The following PROS1 variants were observed in gnomAD, a reference collection of about 807,000 sequenced individuals.
PROS1 encodes vitamin K-dependent protein S.
In PROS1, 29 loss-of-function variants were observed where a neutral mutation model predicts 75.9. The ratio of observed to expected loss-of-function variants is 0.38; its 90% CI spans 0.28 to 0.52. PROS1 has a LOEUF of 0.52. PROS1 is among the 20% of genes least tolerant of loss of function. The pLI is 0.83. For missense variants in PROS1, 680 were observed against 810.3 expected, an observed-to-expected ratio of 0.84 and a Z score of 1.95; for synonymous variants, 245 against 280.6, an observed-to-expected ratio of 0.87 and a Z score of 1.27.
At chr3:93,892,503 A>C (rs372441865) in intron 10 of PROS1, among the ~76,000 whole-genome samples, 1 of 151,708 alleles carries the variant, frequency 6.6e-6, no homozygotes, top group East Asian at 1.9e-4. Context: ...GCATGCCTGT[A>C]ATCCCAGCTA....
At chr3:93,950,480 G>A (rs1291287064) in intron 1 of PROS1, among the ~76,000 whole-genome samples, 1 of 152,114 alleles carries the variant, frequency 6.6e-6, no homozygotes, top group Non-Finnish European at 1.5e-5. Flanking sequence ...CCTCTGAGAC[G>A]AAGCTTCCAG....
At chr3:93,888,027 A>C (rs898896468) in intron 10 of PROS1, among the ~76,000 whole-genome samples, 9 of 152,212 alleles carry the variant, frequency 5.9e-5, no homozygotes, top group Non-Finnish European at 1.3e-4. Flanking sequence ...AATCTTTTGA[A>C]CATCACTGCT....
intron 7 of PROS1, among the ~76,000 whole-genome samples, chr3:93,899,746 A>G (rs1435895725): frequency 1.3e-5 from 2 of 152,150 alleles, no homozygotes; most frequent in African/African-American, 4.8e-5. Context: ...AGAGACAGAA[A>G]ACAAGATTAG....
chr3:93,943,390 G>T (rs191629867), intron 1 of PROS1, among the ~76,000 whole-genome samples: 2 of 150,918 alleles, frequency 1.3e-5, no homozygotes, highest in Admixed American at 1.3e-4. Context: ...CTTTCTCCTT[G>T]TGTCTTCTGT....
intron 1 of PROS1, among the ~76,000 whole-genome samples, chr3:93,965,101 G>A (rs767276975): frequency 6.6e-6 from 1 of 152,198 alleles, no homozygotes; most frequent in Non-Finnish European, 1.5e-5. Flanking sequence ...CAGCGGGAGG[G>A]ACAAGGATCG....
intron 10 of PROS1, among the ~76,000 whole-genome samples, chr3:93,890,020 C>A (rs781485678): frequency 3.9e-5 from 6 of 152,100 alleles, no homozygotes; most frequent in Non-Finnish European, 8.8e-5. Context: ...TTGCTAAATT[C>A]TTTTCCTAGC....
intron 1 of PROS1, among the ~76,000 whole-genome samples, chr3:93,944,930 A>G (rs1278197613): frequency 6.6e-6 from 1 of 152,190 alleles, no homozygotes; most frequent in Non-Finnish European, 1.5e-5. Context: ...CAAGACTAAT[A>G]AAGAAGAAAA....
chr3:93,904,265 G>A (rs1251256751), intron 6 of PROS1, among the ~76,000 whole-genome samples: 3 of 152,082 alleles, frequency 2.0e-5, no homozygotes, highest in South Asian at 2.1e-4. Context: ...GAATAATGCC[G>A]CAATAAACAT....
chr3:93,971,349 C>A (rs1414490386), intron 1 of PROS1, among the ~76,000 whole-genome samples: 3 of 131,984 alleles, frequency 2.3e-5, no homozygotes, highest in Admixed American at 8.3e-5. Flanking sequence ...GAGCAAGACT[C>A]CATCTCTAAA....
At chr3:93,954,399 C>G (rs1253905835) in intron 1 of PROS1, among the ~76,000 whole-genome samples, 1 of 152,126 alleles carries the variant, frequency 6.6e-6, no homozygotes, top group African/African-American at 2.4e-5. Flanking sequence ...TGGAACAGAA[C>G]AGAACCCTTA....
chr3:93,917,705 G>T (rs899254928), intron 3 of PROS1, among the ~76,000 whole-genome samples: 1 of 152,170 alleles, frequency 6.6e-6, no homozygotes, highest in Non-Finnish European at 1.5e-5. Context: ...CTGCCAGCAG[G>T]GGCAATGAGG....
At chr3:93,899,835 G>T (rs535777345) in intron 7 of PROS1, among the ~76,000 whole-genome samples, 1 of 152,282 alleles carries the variant, frequency 6.6e-6, no homozygotes, top group African/African-American at 2.4e-5. Context: ...TGTTGGGGCT[G>T]ATGAAAAAGT....
At chr3:93,928,312 C>A (rs1283795033) in intron 1 of PROS1, among the ~76,000 whole-genome samples, 3 of 149,222 alleles carry the variant, frequency 2.0e-5, no homozygotes, top group African/African-American at 4.9e-5. Context: ...GCCAGTAAGA[C>A]CCTCATTCTA....
intron 3 of PROS1, among the ~76,000 whole-genome samples, chr3:93,918,134 T>G (rs145190848): frequency 0.014 from 2,127 of 152,116 alleles, 19 homozygotes; most frequent in Admixed American, 0.034. Flanking sequence ...AGCTCAAGGT[T>G]TGTAAACACA....
chr3:93,954,819 T>C (rs904440281), intron 1 of PROS1, among the ~76,000 whole-genome samples: 2 of 152,118 alleles, frequency 1.3e-5, no homozygotes, highest in Non-Finnish European at 2.9e-5. Context: ...ATTTTTACAA[T>C]CTACCCATCT....
chr3:93,890,225 C>A (rs547847742), intron 10 of PROS1, among the ~76,000 whole-genome samples: 3 of 152,250 alleles, frequency 2.0e-5, no homozygotes, highest in Admixed American at 6.5e-5. Context: ...CAGACCAGTT[C>A]TCTGCTCTCA....
chr3:93,924,686 G>T, intron 2 of PROS1, among the ~76,000 whole-genome samples: 1 of 142,454 alleles, frequency 7.0e-6, no homozygotes. Context: ...TTTTTGAGAC[G>T]AGGTTTCTCT....
intron 1 of PROS1, among the ~76,000 whole-genome samples, chr3:93,970,401 A>AAT (rs1292758443): frequency 6.6e-6 from 1 of 152,138 alleles, no homozygotes; most frequent in Non-Finnish European, 1.5e-5. Flanking sequence ...CAGTGGCATA[A>AAT]TCATGCTCAC....
At chr3:93,960,757 C>T (rs979028982) in intron 1 of PROS1, among the ~76,000 whole-genome samples, 39 of 151,604 alleles carry the variant, frequency 2.6e-4, no homozygotes, top group Middle Eastern at 3.2e-3. Flanking sequence ...CTTATCTTAA[C>T]TAATATAAAG....
Sources: gnomAD v4.1 joint callset for allele counts (sites outside exome capture counted in the v4.1 genomes callset) on GRCh38, gnomAD v4.1.1 for gene constraint, MANE v1.5 for transcripts, NCBI Gene and HGNC (gene_info 2026-07-23, HGNC 2026-07-21) for gene names.